The following DENND1B variants were observed in gnomAD, a reference collection of about 807,000 sequenced individuals.
DENND1B encodes the protein DENN domain containing 1B.
DENND1B carries 59 observed loss-of-function variants against 90.1 expected under a neutral mutation model. That is an observed-to-expected ratio of 0.65 (90% CI 0.53 to 0.81). The LOEUF is 0.81. Among genes scored for constraint, DENND1B ranks in the 40% least tolerant of loss-of-function variants. The pLI, the probability that DENND1B is intolerant of heterozygous loss-of-function variation, is 0.00. For missense variants in DENND1B, 862 were observed against 912.6 expected, an observed-to-expected ratio of 0.94 and a Z score of 0.71; for synonymous variants, 337 against 324.6, an observed-to-expected ratio of 1.04 and a Z score of -0.41.
chr1:197,526,178 C>G (rs996712738), intron 20 of DENND1B, among the ~76,000 whole-genome samples: 2 of 152,024 alleles, frequency 1.3e-5, no homozygotes, highest in Non-Finnish European at 2.9e-5. Context: ...TCTGAAAATT[C>G]CTTTCTCTTG....
intron 18 of DENND1B, chr1:197,545,553 G>A (rs1196193992): frequency 5.1e-6 from 1 of 195,176 alleles, no homozygotes. Context: ...AAAAGACCTC[G>A]CTATATTTTT....
chr1:197,736,044 A>T, intron 2 of DENND1B: 1 of 898,014 alleles, frequency 1.1e-6, no homozygotes, highest in Non-Finnish European at 1.8e-6. Flanking sequence ...CTACAAAGGC[A>T]GCACCTAAGT....
In DENND1B at chr1:197,586,995, C is replaced by T. The variant is rs536888935; in HGVS notation, c.1048-3742G>A. 4.6e-5 allele frequency among the ~76,000 whole-genome samples: 7 copies of T among 152,244 alleles called. No homozygotes were observed. The South Asian group carries it at 6.2e-4, about 14-fold the overall frequency. The stretch of plus-strand genomic sequence containing the variant: ...TAGCTAAGTGCAATTTTTCACAAAA[C>T]GGCAACAACAAGTACAGGGGATCTG... On this transcript the variant is annotated intron_variant, in intron 14 of 22. Coordinates refer to ENST00000620048, the MANE Select transcript of DENND1B (RefSeq NM_001195215.2).
chr1:197,540,871 T>C (rs1670282284), intron 19 of DENND1B, 88 bp downstream of exon 19: 4 of 1,292,960 alleles, frequency 3.1e-6, no homozygotes, highest in South Asian at 2.7e-5. Context: ...TCAAATGTCA[T>C]TAAAAACACA....
chr1:197,611,472 T>C (rs1572061073), intron 12 of DENND1B, among the ~76,000 whole-genome samples: 2 of 150,828 alleles, frequency 1.3e-5, no homozygotes, highest in Non-Finnish European at 3.0e-5. Flanking sequence ...ATTCTAAAGT[T>C]CATGATTAGT....
chr1:197,720,752 T>C (rs1279203808), intron 2 of DENND1B, among the ~76,000 whole-genome samples: 1 of 152,124 alleles, frequency 6.6e-6, no homozygotes, highest in Non-Finnish European at 1.5e-5. Context: ...AATAAAAAGC[T>C]TCACTGATCC....
chr1:197,609,702 TAA>T (rs11407728), intron 12 of DENND1B, among the ~76,000 whole-genome samples: 1 of 146,260 alleles, frequency 6.8e-6, no homozygotes. Flanking sequence ...TTTTCGCCAT[TAA>T]AAAAAAAAAT....
At chr1:197,659,872 C>T (rs551221707) in intron 5 of DENND1B, among the ~76,000 whole-genome samples, 4 of 151,940 alleles carry the variant, frequency 2.6e-5, no homozygotes, top group Non-Finnish European at 5.9e-5. Context: ...AGTTTAATAC[C>T]TTCCTTTTGA....
chr1:197,773,329 A>T (rs1656856451), intron 1 of DENND1B, among the ~76,000 whole-genome samples: 1 of 152,204 alleles, frequency 6.6e-6, no homozygotes, highest in Non-Finnish European at 1.5e-5. Context: ...AGTGTCCCTA[A>T]GTGTCATTAT....
chr1:197,650,223 T>A (rs939416737), intron 7 of DENND1B, among the ~76,000 whole-genome samples: 2 of 152,216 alleles, frequency 1.3e-5, no homozygotes, highest in African/African-American at 2.4e-5. Flanking sequence ...TCAGCCACCA[T>A]ATTATTTAGC....
chr1:197,623,010 G>A (rs1004925702), intron 10 of DENND1B, among the ~76,000 whole-genome samples: 1 of 151,150 alleles, frequency 6.6e-6, no homozygotes, highest in East Asian at 1.9e-4. Flanking sequence ...ATGCCTTACA[G>A]GTAAAGGTAT....
At chr1:197,612,224 T>C (rs888847616) in intron 11 of DENND1B, among the ~76,000 whole-genome samples, 11 of 150,608 alleles carry the variant, frequency 7.3e-5, no homozygotes, top group African/African-American at 2.7e-4. Flanking sequence ...TCAAGAGTTA[T>C]AATGCCTAAA....
At chr1:197,521,014 A>G (rs1668739087) in intron 20 of DENND1B, among the ~76,000 whole-genome samples, 1 of 151,976 alleles carries the variant, frequency 6.6e-6, no homozygotes, top group South Asian at 2.1e-4. Flanking sequence ...TTCTACTAGA[A>G]ACACTGACCC....
At chr1:197,747,878 C>T (rs1056484265) in intron 2 of DENND1B, among the ~76,000 whole-genome samples, 1 of 152,210 alleles carries the variant, frequency 6.6e-6, no homozygotes, top group Non-Finnish European at 1.5e-5. Flanking sequence ...ATTATTGATG[C>T]TCATGTCACT....
chr1:197,537,520 T>C (rs1255763997), intron 20 of DENND1B, among the ~76,000 whole-genome samples: 1 of 152,080 alleles, frequency 6.6e-6, no homozygotes, highest in Non-Finnish European at 1.5e-5. Context: ...TAATATTGTA[T>C]TGTATACTAG....
intron 15 of DENND1B, among the ~76,000 whole-genome samples, chr1:197,555,560 A>C (rs1671643406): frequency 6.6e-6 from 1 of 152,156 alleles, no homozygotes; most frequent in African/African-American, 2.4e-5. Context: ...ATGAACAGAC[A>C]CTGCTCAAAA....
intron 2 of DENND1B, among the ~76,000 whole-genome samples, chr1:197,730,794 C>G (rs1662074594): frequency 6.6e-6 from 1 of 151,780 alleles, no homozygotes; most frequent in Non-Finnish European, 1.5e-5. Flanking sequence ...ATTATTAAAC[C>G]TGTTTCCTTG....
intron 20 of DENND1B, among the ~76,000 whole-genome samples, chr1:197,519,948 C>T (rs913084385): frequency 6.6e-6 from 1 of 151,306 alleles, no homozygotes; most frequent in Non-Finnish European, 1.5e-5. Flanking sequence ...AATTTAAATT[C>T]AAGGGGGATT....
chr1:197,649,867 T>G (rs151042555), intron 7 of DENND1B, among the ~76,000 whole-genome samples: 1 of 152,032 alleles, frequency 6.6e-6, no homozygotes, highest in Non-Finnish European at 1.5e-5. Context: ...AGATAAATAG[T>G]TGGGACTTAA....
Sources: gnomAD v4.1 joint callset for allele counts (sites outside exome capture counted in the v4.1 genomes callset) on GRCh38, gnomAD v4.1.1 for gene constraint, MANE v1.5 for transcripts, NCBI Gene and HGNC (gene_info 2026-07-23, HGNC 2026-07-21) for gene names.